ARL15: variants seen among roughly 807,000 people sequenced by gnomAD.
The protein encoded by ARL15 is ARF like GTPase 15.
In ARL15, 19 loss-of-function variants were observed where a neutral mutation model predicts 25.2. The ratio of observed to expected loss-of-function variants is 0.75; its 90% CI spans 0.53 to 1.10. The LOEUF (loss-of-function observed/expected upper bound fraction) is 1.10, where lower values mean the gene tolerates loss of function less well. ARL15 is among the 50% of genes least tolerant of loss of function. The pLI is 0.00. For missense variants in ARL15, 220 were observed against 246.0 expected (o/e 0.89, Z 0.71); for synonymous variants, 94 against 86.8 (o/e 1.08, Z -0.46).
At chr5:53,908,770 A>C (rs910539729) in intron 4 of ARL15, among the ~76,000 whole-genome samples, 3 of 152,226 alleles carry the variant, frequency 2.0e-5, no homozygotes, top group African/African-American at 7.2e-5. Flanking sequence ...ATAATACTAC[A>C]AACCAGATGA....
chr5:53,974,566 G>T (rs1478428572), intron 4 of ARL15, among the ~76,000 whole-genome samples: 5 of 152,120 alleles, frequency 3.3e-5, no homozygotes, highest in Admixed American at 6.5e-5. Flanking sequence ...AATTCTAAAG[G>T]TCACTATATT....
chr5:54,042,127 C>A (rs1413577196), intron 4 of ARL15, among the ~76,000 whole-genome samples: 1 of 152,066 alleles, frequency 6.6e-6, no homozygotes, highest in Non-Finnish European at 1.5e-5. Context: ...AGCGCCACCA[C>A]GCCTGGCTAA....
chr5:54,268,539 C>T (rs11738636), intron 1 of ARL15, among the ~76,000 whole-genome samples: 57,880 of 151,958 alleles, frequency 0.38, 14,107 homozygotes, highest in Non-Finnish European at 0.53. Flanking sequence ...GGAGGAGAGG[C>T]GCTCTGCTTT....
intron 1 of ARL15, among the ~76,000 whole-genome samples, chr5:54,274,187 C>T (rs999767500): frequency 1.4e-4 from 22 of 151,988 alleles, no homozygotes; most frequent in Non-Finnish European, 2.6e-4. Flanking sequence ...AGGGCATGAG[C>T]AGGTTTAGGG....
At chr5:54,281,187 T>C (rs1758055566) in intron 1 of ARL15, among the ~76,000 whole-genome samples, 1 of 152,216 alleles carries the variant, frequency 6.6e-6, no homozygotes, top group Admixed American at 6.5e-5. Context: ...TCACCCAAGC[T>C]GGAGTGCAGT....
rs139835116 is a variant in ARL15, at chr5:54,145,631, C to CGTGT, written c.253+8945_253+8948dup. ...GATGGTGTGTGTGTGTGTGTGCGTG[C>CGTGT]GTGTGTGTGTGTGTTCACCCACACC... On this transcript the variant is annotated intron_variant, in intron 3 of 4. Transcript: ENST00000504924. Among the ~76,000 whole-genome samples the CGTGT allele has an allele frequency of 4.1e-3, 625 of 151,246 alleles. 4 individuals carry two copies. The highest frequency in any genetic ancestry group is 0.014 in the African/African-American group (582 of 41,274).
At position 54,163,355 on chromosome 5, in the gene ARL15, GCTTTT is replaced by G. The variant is rs369143464; in HGVS notation, c.193+8424_193+8428del. Among the ~76,000 whole-genome samples, 178 of 51,332 alleles carry G rather than the reference GCTTTT, an allele frequency of 3.5e-3. 54 individuals are homozygous for G. Among genetic ancestry groups the G allele is most frequent in the African/African-American group, 0.013 (153 of 12,082 alleles). The allele number at this position is 51,332 out of a possible 152,430, so 33.7% of individuals were successfully genotyped here. ...TGTCCATGAGGGCTATTGGTATGAA[GCTTTT>G]TTTTTTTTTTTTTTTTTTTTTTTTT... On this transcript the variant is annotated intron_variant, in intron 2 of 4. Coordinates refer to ENST00000504924, the MANE Select transcript of ARL15 (RefSeq NM_019087.3).
chr5:54,119,337 A>C (rs1231443030), intron 3 of ARL15, among the ~76,000 whole-genome samples: 1 of 152,062 alleles, frequency 6.6e-6, no homozygotes, highest in African/African-American at 2.4e-5. Flanking sequence ...TCACCATGTG[A>C]TACCTTCTGC....
intron 1 of ARL15, among the ~76,000 whole-genome samples, chr5:54,293,590 A>C (rs1579988676): frequency 1.3e-5 from 2 of 152,188 alleles, no homozygotes; most frequent in South Asian, 4.1e-4. Context: ...AAAAAGTTGA[A>C]AGGAACTTTG....
chr5:53,983,307 T>TA (rs1288784907), intron 4 of ARL15, among the ~76,000 whole-genome samples: 6 of 152,262 alleles, frequency 3.9e-5, no homozygotes, highest in Non-Finnish European at 5.9e-5. Context: ...AAATTTTCTT[T>TA]AAAAAAATCA....
intron 1 of ARL15, among the ~76,000 whole-genome samples, chr5:54,187,178 A>G (rs544508439): frequency 2.0e-5 from 3 of 152,248 alleles, no homozygotes; most frequent in Admixed American, 1.3e-4. Flanking sequence ...ACCAAACTCC[A>G]CTGCAGCCAC....
intron 1 of ARL15, among the ~76,000 whole-genome samples, chr5:54,269,082 TG>T (rs1468148086): frequency 2.7e-5 from 4 of 146,508 alleles, no homozygotes; most frequent in Non-Finnish European, 3.0e-5. Flanking sequence ...GGGGTAGGGG[TG>T]GGGGGTAGGG....
intron 1 of ARL15, among the ~76,000 whole-genome samples, chr5:54,201,420 CTGT>C (rs1298309210): frequency 1.3e-5 from 2 of 152,220 alleles, no homozygotes; most frequent in South Asian, 4.1e-4. Flanking sequence ...CTAAACCCAT[CTGT>C]GCACTTCTTT....
intron 1 of ARL15, among the ~76,000 whole-genome samples, chr5:54,246,244 C>A (rs1393846981): frequency 1.3e-5 from 2 of 151,826 alleles, no homozygotes; most frequent in Non-Finnish European, 2.9e-5. Flanking sequence ...TAAGGGTCTA[C>A]AAACTCCTCT....
intron 2 of ARL15, among the ~76,000 whole-genome samples, chr5:54,162,099 A>G (rs922227598): frequency 2.6e-5 from 4 of 152,040 alleles, no homozygotes; most frequent in African/African-American, 9.7e-5. Flanking sequence ...GATGTCAGCA[A>G]TGCCTACCTC....
intron 4 of ARL15, among the ~76,000 whole-genome samples, chr5:53,993,217 G>A (rs11747281): frequency 0.22 from 33,480 of 152,106 alleles, 3,895 homozygotes; most frequent in East Asian, 0.46. Flanking sequence ...ACTCCTAGTC[G>A]TTAGCCTTGG....
chr5:54,022,813 A>G (rs1380262916), intron 4 of ARL15, among the ~76,000 whole-genome samples: 1 of 152,112 alleles, frequency 6.6e-6, no homozygotes, highest in Non-Finnish European at 1.5e-5. Flanking sequence ...TATTCCAGAG[A>G]CTCAAATTAT....
intron 3 of ARL15, among the ~76,000 whole-genome samples, chr5:54,118,661 A>G (rs1304770995): frequency 6.6e-6 from 1 of 152,198 alleles, no homozygotes; most frequent in Admixed American, 6.5e-5. Context: ...TCAAGTCCCA[A>G]GATAGAAGAG....
chr5:54,120,762 A>G (rs1363046266), intron 3 of ARL15, among the ~76,000 whole-genome samples: 1 of 152,188 alleles, frequency 6.6e-6, no homozygotes, highest in South Asian at 2.1e-4. Context: ...GCTAGTGGGA[A>G]CAGCTTTGCT....
Sources: gnomAD v4.1 joint callset for allele counts (sites outside exome capture counted in the v4.1 genomes callset) on GRCh38, gnomAD v4.1.1 for gene constraint, MANE v1.5 for transcripts, NCBI Gene and HGNC (gene_info 2026-07-23, HGNC 2026-07-21) for gene names.